The following FUCA1 variants were observed in gnomAD, a reference collection of about 807,000 sequenced individuals.
FUCA1 encodes the protein alpha-L-fucosidase 1.
A neutral mutation model predicts 56.8 loss-of-function variants in FUCA1; 52 were observed. That is an observed-to-expected ratio of 0.92 (90% CI 0.73 to 1.15). The LOEUF is 1.15. Among genes scored for constraint, FUCA1 ranks in the 50% most tolerant of loss-of-function variants. The pLI, the probability that FUCA1 is intolerant of heterozygous loss-of-function variation, is 0.00. For missense variants in FUCA1, 568 were observed against 592.6 expected (o/e 0.96, Z 0.43); for synonymous variants, 230 against 226.6 (o/e 1.02, Z -0.14).
intron 5 of FUCA1, among the ~76,000 whole-genome samples, chr1:23,851,456 C>T (rs1271303348): frequency 1.3e-5 from 2 of 152,118 alleles, no homozygotes; most frequent in African/African-American, 4.8e-5. Context: ...GACCTCTGCA[C>T]AACTTTCTTG....
In FUCA1 at chr1:23,867,788, C is replaced by T; in HGVS notation, c.389+110G>A. 2 of 1,436,548 alleles carry T rather than the reference C, an allele frequency of 1.4e-6. No homozygotes were observed. Among genetic ancestry groups the T allele is most frequent in the Non-Finnish European group, 1.8e-6 (2 of 1,104,412 alleles). The allele number at this position is 1,436,548 out of a possible 1,614,324, so 89.0% of individuals were successfully genotyped here. A position where few individuals can be genotyped will look rare whatever the true frequency, so the allele number is the denominator to read the frequency against. Reference sequence around the variant, plus strand: ...GCCGCAGGAGGCCACACGCGGGCCCCGGGGTCATGGGGGCGACCGGCAGCT... The same window carrying T: ...GCCGCAGGAGGCCACACGCGGGCCCTGGGGTCATGGGGGCGACCGGCAGCT... On this transcript the variant is annotated intron_variant, in intron 1 of 7. Transcript: ENST00000374479. This position sits in a 1 kb window ranked among gnomAD's most constrained non-coding sequence, Gnocchi z 4.9.
intron 4 of FUCA1, among the ~76,000 whole-genome samples, chr1:23,858,013 GT>G (rs1322390319): frequency 6.6e-6 from 1 of 151,202 alleles, no homozygotes; most frequent in African/African-American, 2.4e-5. Flanking sequence ...TATAGAATCT[GT>G]TTTTTTCTTT....
intron 6 of FUCA1, among the ~76,000 whole-genome samples, chr1:23,846,763 G>A (rs1197093582): frequency 6.6e-6 from 1 of 151,792 alleles, no homozygotes; most frequent in Non-Finnish European, 1.5e-5. Flanking sequence ...TGTATTTTTA[G>A]TAAAGACGGG....
chr1:23,860,000 T>C lies in FUCA1; in HGVS notation c.663-97A>G. 3.9e-6 allele frequency: 3 copies of C among 777,676 alleles called. No individual in the cohort carries two copies. In the Admixed American group the frequency reaches 5.6e-5, roughly 15 times the overall value. The allele number at this position is 777,676 out of a possible 1,614,324, so 48.2% of individuals were successfully genotyped here. On this transcript the variant is annotated intron_variant, in intron 3 of 7. Transcript: ENST00000374479. ...TTTTTTTAGAGATGGGGTTTCGCTATGTTGCCTAAGCTTGAGTCCAGCAGC... is the reference window on the plus strand; with the variant it reads ...TTTTTTTAGAGATGGGGTTTCGCTACGTTGCCTAAGCTTGAGTCCAGCAGC...
chr1:23,845,745 A>C lies in FUCA1; in HGVS notation c.1371T>G (p.Ala457=). ...LPPSAVPAEF[A]WTIKLTGVK ...TCACTCCTGTCAGCTTTATAGTCCA[A>C]GCAAACTCTGCGGGGACAGCAGAGG... Residue 457 remains alanine (A), a synonymous_variant, in exon 8 of 8, where the codon GCT becomes GCG. Coordinates refer to ENST00000374479, the MANE Select transcript of FUCA1 (RefSeq NM_000147.5). The C allele has an allele frequency of 6.2e-7, 1 of 1,614,220 alleles. No homozygotes were observed. The highest frequency in any genetic ancestry group is 8.5e-7 in the Non-Finnish European group (1 of 1,180,028).
In FUCA1 at chr1:23,852,957, C is replaced by T. The variant is rs1639297678; in HGVS notation, c.969+1403G>A. On this transcript the variant is annotated intron_variant, in intron 5 of 7. Transcript: ENST00000374479. ...CGCCCATCGTCTGGGACGTGAGGAGCCCCTCTGCCTGGCTACCCAGTCTGG... is the reference window on the plus strand; with the variant it reads ...CGCCCATCGTCTGGGACGTGAGGAGTCCCTCTGCCTGGCTACCCAGTCTGG... Among the ~76,000 whole-genome samples, 3 of 150,308 alleles carry T rather than the reference C, an allele frequency of 2.0e-5. No individual in the cohort carries two copies. In the South Asian group the frequency reaches 6.4e-4, roughly 32 times the overall value.
chr1:23,857,219 C>T (rs548208536), intron 4 of FUCA1, among the ~76,000 whole-genome samples: 4 of 152,208 alleles, frequency 2.6e-5, no homozygotes, highest in South Asian at 4.1e-4. Context: ...TATACATAGA[C>T]GCCATTTCAG....
At chr1:23,848,953 T>A in intron 5 of FUCA1, 114 bp from the exon 6 acceptor site, 1 of 876,460 alleles carries the variant, frequency 1.1e-6, no homozygotes, top group Admixed American at 2.4e-5. Flanking sequence ...TTAAATATCC[T>A]CTGCTGTTTT....
chr1:23,859,968 C>T lies in FUCA1; in HGVS notation c.663-65G>A, dbSNP rs545717294. On this transcript the variant is annotated intron_variant, in intron 3 of 7. Coordinates refer to ENST00000374479, the MANE Select transcript of FUCA1 (RefSeq NM_000147.5). ...CATGTTCACAGTAAAATCTTATGGA[C>T]CATTTTTTTTTTTAGAGATGGGGTT... 3.7e-5 allele frequency: 43 copies of T among 1,154,286 alleles called. 1 individual carries two copies. In the South Asian group the frequency reaches 5.0e-4, roughly 13 times the overall value. 71.5% of individuals were successfully genotyped at this position (1,154,286 alleles called of 1,614,324 possible).
At chr1:23,854,692 T>A in intron 4 of FUCA1, 132 bp from the exon 5 acceptor site, 1 of 769,396 alleles carries the variant, frequency 1.3e-6, no homozygotes, top group Non-Finnish European at 2.3e-6. Flanking sequence ...GGGGGCAATT[T>A]TGCTCTGGAG....
At chr1:23,860,533 G>A (rs1215998740) in intron 3 of FUCA1, among the ~76,000 whole-genome samples, 14 of 146,658 alleles carry the variant, frequency 9.5e-5, no homozygotes, top group Non-Finnish European at 2.1e-4. Flanking sequence ...GCAGTGAGCC[G>A]AGATTGCGCC....
chr1:23,853,550 C>G (rs569530702), intron 5 of FUCA1, among the ~76,000 whole-genome samples: 21 of 152,144 alleles, frequency 1.4e-4, no homozygotes, highest in Admixed American at 1.1e-3. Flanking sequence ...GCCACCACCC[C>G]GTCTGGGAGG....
At chr1:23,849,537 G>A (rs900423651) in intron 5 of FUCA1, among the ~76,000 whole-genome samples, 1 of 149,534 alleles carries the variant, frequency 6.7e-6, no homozygotes, top group Non-Finnish European at 1.5e-5. Context: ...AAATGAACAT[G>A]CTGCCCCTTT....
chr1:23,846,019 A>G lies in FUCA1; in HGVS notation c.1260+55T>C, dbSNP rs184431781. 41 of 1,512,182 alleles carry G rather than the reference A, an allele frequency of 2.7e-5. No homozygotes were observed. In the African/African-American group the frequency reaches 4.9e-4, roughly 18 times the overall value. The allele number at this position is 1,512,182 out of a possible 1,614,324, so 93.7% of individuals were successfully genotyped here. ...CTGGCAGGGAAGGAAGAAAGGAAGG[A>G]TCTGCCAATTCCTTTACAGAAAGTT... On this transcript the variant is annotated intron_variant, in intron 7 of 7. Coordinates refer to ENST00000374479, the MANE Select transcript of FUCA1 (RefSeq NM_000147.5).
chr1:23,854,566 G>T lies in FUCA1; in HGVS notation c.769-6C>A. 6.2e-7 allele frequency: 1 copy of T among 1,610,534 alleles called. No individual in the cohort carries two copies. Among genetic ancestry groups the T allele is most frequent in the Non-Finnish European group, 8.5e-7 (1 of 1,176,784 alleles). ...TCATTTACTACCACCTCATCCTAAG[G>T]AGGGAAAGAATATTTGGTCATGAGG... On this transcript the variant is annotated splice_region_variant and splice_polypyrimidine_tract_variant and intron_variant, in intron 4 of 7. Coordinates refer to ENST00000374479, the MANE Select transcript of FUCA1 (RefSeq NM_000147.5).
chr1:23,853,278 G>A (rs1235450046), intron 5 of FUCA1, among the ~76,000 whole-genome samples: 2 of 150,698 alleles, frequency 1.3e-5, no homozygotes, highest in South Asian at 2.1e-4. Context: ...CTCTCCGCCC[G>A]GCAGCCACCC....
At chr1:23,852,125 T>TAA (rs1185718568) in intron 5 of FUCA1, among the ~76,000 whole-genome samples, 1 of 148,340 alleles carries the variant, frequency 6.7e-6, no homozygotes, top group East Asian at 2.0e-4. Context: ...GATCCATAGT[T>TAA]AAAAAATAGT....
At position 23,854,399 on chromosome 1, in the gene FUCA1, C is replaced by G; in HGVS notation, c.930G>C (p.Met310Ile). ...ATTCTTCTGTAACATCAGACAATGC[C>G]ATGTCACGACGATAGCCCCAGGAAA... is the stretch of plus-strand genomic sequence containing the variant. ...DKFSWGYRRD[M>I]ALSDVTEESE... The change falls in exon 5 of 8, where the codon ATG (methionine) becomes ATC (isoleucine). Residue 310 changes from methionine (M) to isoleucine (I), a missense_variant. By Grantham distance (10) the Met-to-Ile change is conservative. Coordinates refer to ENST00000374479, the MANE Select transcript of FUCA1 (RefSeq NM_000147.5). 1 of 1,614,046 alleles carries G rather than the reference C, an allele frequency of 6.2e-7. No homozygotes were observed. Among genetic ancestry groups the G allele is most frequent in the South Asian group, 1.1e-5 (1 of 91,076 alleles).
intron 5 of FUCA1, 150 bp downstream of exon 5, chr1:23,854,210 T>C (rs1242945881): frequency 4.2e-5 from 29 of 689,168 alleles, no homozygotes; most frequent in Non-Finnish European, 4.1e-5. Context: ...TTGTTTATAA[T>C]GATCTCGCTT....
Sources: gnomAD v4.1 joint callset for allele counts (sites outside exome capture counted in the v4.1 genomes callset) on GRCh38, gnomAD v4.1.1 for gene constraint, Gnocchi (gnomAD v3.1) non-coding constraint, MANE v1.5 for transcripts, NCBI Gene and HGNC (gene_info 2026-07-23, HGNC 2026-07-21) for gene names.